The following NFIA variants were observed in gnomAD, a reference collection of about 807,000 sequenced individuals.
NFIA encodes nuclear factor 1 A-type.
NFIA carries 8 observed loss-of-function variants against 62.8 expected under a neutral mutation model. That is an observed-to-expected ratio of 0.13 (90% CI 0.07 to 0.23). The LOEUF (loss-of-function observed/expected upper bound fraction) is 0.23, where lower values mean the gene tolerates loss of function less well. Among genes scored for constraint, NFIA ranks in the 10% least tolerant of loss-of-function variants. The probability of loss-of-function intolerance (pLI) is 1.00; values close to 1 mark genes in which losing one functional copy is unlikely to be tolerated. For missense variants in NFIA, 410 were observed against 642.1 expected (o/e 0.64, Z 3.91); for synonymous variants, 235 against 238.1 (o/e 0.99, Z 0.12).
chr1:61,099,084 T>C (rs1030463885), intron 2 of NFIA, among the ~76,000 whole-genome samples: 3 of 152,230 alleles, frequency 2.0e-5, no homozygotes, highest in Admixed American at 2.0e-4. Context: ...TTTGTACTTT[T>C]ACCACCTACA....
At chr1:61,218,427 G>T (rs1473062318) in intron 2 of NFIA, among the ~76,000 whole-genome samples, 1 of 152,196 alleles carries the variant, frequency 6.6e-6, no homozygotes, top group Non-Finnish European at 1.5e-5. Context: ...TCCCACAGAT[G>T]ATAAAATCCA....
At chr1:61,391,555 G>A (rs988257045) in intron 7 of NFIA, among the ~76,000 whole-genome samples, 3 of 151,494 alleles carry the variant, frequency 2.0e-5, no homozygotes, top group Admixed American at 1.3e-4. Context: ...CCTAATATAT[G>A]TTTGGTTTTA....
At chr1:61,167,188 C>T (rs1045166976) in intron 2 of NFIA, among the ~76,000 whole-genome samples, 4 of 152,088 alleles carry the variant, frequency 2.6e-5, no homozygotes, top group African/African-American at 9.7e-5. Context: ...TTCTTATGTT[C>T]CCATAGTGAG....
chr1:61,277,808 G>A (rs1308386599), intron 3 of NFIA, among the ~76,000 whole-genome samples: 1 of 152,144 alleles, frequency 6.6e-6, no homozygotes, highest in African/African-American at 2.4e-5. Flanking sequence ...CTATTAGGGT[G>A]CCCATGAGAA....
chr1:61,326,950 T>A (rs1660972559), intron 3 of NFIA, among the ~76,000 whole-genome samples: 1 of 151,780 alleles, frequency 6.6e-6, no homozygotes, highest in Admixed American at 6.6e-5. Context: ...TATATCTAGG[T>A]CCCATGCCAT....
chr1:61,219,362 A>G (rs1356951475), intron 2 of NFIA, among the ~76,000 whole-genome samples: 1 of 152,206 alleles, frequency 6.6e-6, no homozygotes, highest in East Asian at 1.9e-4. Context: ...GGCATATATA[A>G]GGAGTCTAGT....
At chr1:61,279,944 G>T (rs1557679374) in intron 3 of NFIA, among the ~76,000 whole-genome samples, 1 of 152,096 alleles carries the variant, frequency 6.6e-6, no homozygotes, top group African/African-American at 2.4e-5. Flanking sequence ...ATCATTTTGG[G>T]GAAATCATGT....
intron 5 of NFIA, among the ~76,000 whole-genome samples, chr1:61,355,523 G>A (rs1217160164): frequency 6.6e-6 from 1 of 152,108 alleles, no homozygotes; most frequent in African/African-American, 2.4e-5. Context: ...GCCTCCACCT[G>A]TGCTTCCTAA....
chr1:61,097,892 G>T (rs916304822), intron 2 of NFIA, among the ~76,000 whole-genome samples: 4 of 152,102 alleles, frequency 2.6e-5, no homozygotes, highest in African/African-American at 7.2e-5. Context: ...CAAGTCCTTA[G>T]GTTGACAAAT....
At chr1:61,112,036 A>G (rs1392449150) in intron 2 of NFIA, among the ~76,000 whole-genome samples, 1 of 152,082 alleles carries the variant, frequency 6.6e-6, no homozygotes, top group Non-Finnish European at 1.5e-5. Context: ...CAATTACACT[A>G]ATTAACATCT....
At chr1:61,312,511 G>A (rs1344835295) in intron 3 of NFIA, among the ~76,000 whole-genome samples, 1 of 151,056 alleles carries the variant, frequency 6.6e-6, no homozygotes, top group African/African-American at 2.4e-5. Context: ...TTCAAATTAA[G>A]ACTTTTTTTT....
intron 9 of NFIA, among the ~76,000 whole-genome samples, chr1:61,407,660 G>A (rs544698145): frequency 2.0e-5 from 3 of 152,260 alleles, no homozygotes; most frequent in African/African-American, 7.2e-5. Flanking sequence ...AGAAGGATAG[G>A]AGCTGTGGCA....
chr1:61,427,273 T>C (rs1436496487), intron 10 of NFIA, among the ~76,000 whole-genome samples: 1 of 152,164 alleles, frequency 6.6e-6, no homozygotes, highest in Non-Finnish European at 1.5e-5. Flanking sequence ...TGCTGTATAT[T>C]GAGAAACAGT....
intron 2 of NFIA, among the ~76,000 whole-genome samples, chr1:61,089,555 A>G (rs1049011252): frequency 1.5e-4 from 23 of 152,094 alleles, no homozygotes; most frequent in Admixed American, 2.0e-4. Context: ...GGTCTTGTGT[A>G]ACTTGTTGAC....
chr1:61,418,410 T>C (rs1367766879), intron 9 of NFIA, among the ~76,000 whole-genome samples: 5 of 151,918 alleles, frequency 3.3e-5, no homozygotes, highest in African/African-American at 1.2e-4. Context: ...CAGTGAGCCA[T>C]GTTAAAGCCA....
At chr1:61,094,416 T>G (rs1646376212) in intron 2 of NFIA, among the ~76,000 whole-genome samples, 1 of 152,244 alleles carries the variant, frequency 6.6e-6, no homozygotes, top group South Asian at 2.1e-4. Context: ...ATAATTTGTC[T>G]TCCCACAATT....
intron 9 of NFIA, among the ~76,000 whole-genome samples, chr1:61,410,837 C>T (rs2064633): frequency 6.6e-6 from 1 of 152,034 alleles, no homozygotes; most frequent in African/African-American, 2.4e-5. Flanking sequence ...AGCCTAGGAG[C>T]TTGAGGCTGC....
At chr1:61,210,042 C>A (rs1653148003) in intron 2 of NFIA, among the ~76,000 whole-genome samples, 1 of 152,086 alleles carries the variant, frequency 6.6e-6, no homozygotes, top group South Asian at 2.1e-4. Context: ...ACAGATATAT[C>A]CTAAAAGATC....
chr1:61,443,179 A>G (rs982896076), intron 10 of NFIA, among the ~76,000 whole-genome samples: 12 of 152,204 alleles, frequency 7.9e-5, no homozygotes, highest in African/African-American at 2.9e-4. Flanking sequence ...AGGTTAAGAA[A>G]AGGCCATGAT....
Sources: gnomAD v4.1 joint callset for allele counts (sites outside exome capture counted in the v4.1 genomes callset) on GRCh38, gnomAD v4.1.1 for gene constraint, MANE v1.5 for transcripts, NCBI Gene and HGNC (gene_info 2026-07-23, HGNC 2026-07-21) for gene names.